The following BABAM2 variants were observed in gnomAD, a reference collection of about 807,000 sequenced individuals.
The protein encoded by BABAM2 is BRISC and BRCA1 A complex member 2.
A neutral mutation model predicts 54.7 loss-of-function variants in BABAM2; 31 were observed. That is an observed-to-expected ratio of 0.57 (90% CI 0.43 to 0.77). BABAM2 has a LOEUF of 0.77. Ranked by LOEUF, BABAM2 falls within the 30% of genes least tolerant of loss-of-function variation. The probability of loss-of-function intolerance (pLI) is 0.00; values close to 1 mark genes in which losing one functional copy is unlikely to be tolerated. For missense variants in BABAM2, 364 were observed against 455.8 expected (o/e 0.80, Z 1.83); for synonymous variants, 167 against 162.9 (o/e 1.03, Z -0.19).
intron 6 of BABAM2, among the ~76,000 whole-genome samples, chr2:28,059,911 G>C (rs868620536): frequency 6.6e-6 from 1 of 152,102 alleles, no homozygotes; most frequent in African/African-American, 2.4e-5. Flanking sequence ...TGACCTCCCT[G>C]GTAAATTCCA....
chr2:28,233,048 G>C (rs1034233261), intron 7 of BABAM2: 1 of 327,572 alleles, frequency 3.1e-6, no homozygotes, highest in Non-Finnish European at 6.3e-6. Flanking sequence ...TCAGTTCTAA[G>C]AATGATCAAC....
chr2:28,256,589 T>G (rs1333010672), intron 10 of BABAM2, among the ~76,000 whole-genome samples: 1 of 152,072 alleles, frequency 6.6e-6, no homozygotes, highest in Non-Finnish European at 1.5e-5. Context: ...ATTGGCTGAG[T>G]ACCTGGCCCA....
intron 10 of BABAM2, among the ~76,000 whole-genome samples, chr2:28,245,333 C>T (rs1401866426): frequency 1.3e-5 from 2 of 152,140 alleles, no homozygotes. Context: ...AACATACCTG[C>T]TGTGATCATT....
intron 7 of BABAM2, among the ~76,000 whole-genome samples, chr2:28,188,906 A>C (rs922901526): frequency 6.6e-6 from 1 of 152,238 alleles, no homozygotes; most frequent in Non-Finnish European, 1.5e-5. Flanking sequence ...TTCATTAAAA[A>C]AAGGATTTCT....
chr2:28,083,302 C>T (rs955827766), intron 6 of BABAM2, among the ~76,000 whole-genome samples: 2 of 152,166 alleles, frequency 1.3e-5, no homozygotes, highest in Non-Finnish European at 2.9e-5. Flanking sequence ...TCTCAAAGAC[C>T]TACTACTTCA....
At chr2:28,291,295 T>G (rs1446180572) in intron 10 of BABAM2, among the ~76,000 whole-genome samples, 1 of 152,132 alleles carries the variant, frequency 6.6e-6, no homozygotes, top group Non-Finnish European at 1.5e-5. Context: ...TTAATAATAT[T>G]GAAACTTCAA....
chr2:27,970,208 C>T (rs997986826), intron 3 of BABAM2, among the ~76,000 whole-genome samples: 2 of 152,154 alleles, frequency 1.3e-5, no homozygotes, highest in Admixed American at 6.5e-5. Flanking sequence ...TCAATGAAGT[C>T]ATCTGTTAGA....
intron 6 of BABAM2, among the ~76,000 whole-genome samples, chr2:28,062,089 C>G (rs1308459979): frequency 6.6e-6 from 1 of 152,066 alleles, no homozygotes; most frequent in Non-Finnish European, 1.5e-5. Context: ...AAAACCCTTT[C>G]TCTACTAAAA....
At chr2:28,245,638 T>C (rs1158297931) in intron 10 of BABAM2, among the ~76,000 whole-genome samples, 1 of 152,170 alleles carries the variant, frequency 6.6e-6, no homozygotes, top group Non-Finnish European at 1.5e-5. Flanking sequence ...CTGCAGTAAT[T>C]TGGTACGTAC....
chr2:28,203,173 G>A (rs1216126466), intron 7 of BABAM2, among the ~76,000 whole-genome samples: 3 of 152,102 alleles, frequency 2.0e-5, no homozygotes, highest in African/African-American at 7.2e-5. Flanking sequence ...GAATATGTTC[G>A]GCCTTGTATT....
intron 3 of BABAM2, among the ~76,000 whole-genome samples, chr2:27,971,864 A>C (rs1165047572): frequency 6.6e-6 from 1 of 152,184 alleles, no homozygotes; most frequent in Non-Finnish European, 1.5e-5. Context: ...TAAAGAGTTG[A>C]TAACAAATTG....
At chr2:28,238,394 G>A (rs1315313794) in intron 8 of BABAM2, among the ~76,000 whole-genome samples, 2 of 152,294 alleles carry the variant, frequency 1.3e-5, no homozygotes, top group South Asian at 4.1e-4. Flanking sequence ...AGTTGCCAGA[G>A]TGCAATTTCT....
At chr2:27,913,223 C>T (rs962438777) in intron 2 of BABAM2, among the ~76,000 whole-genome samples, 6 of 152,146 alleles carry the variant, frequency 3.9e-5, no homozygotes, top group Admixed American at 3.9e-4. Context: ...TTTATTCTTA[C>T]ACATTGCTGT....
chr2:28,164,620 A>G (rs539551240), intron 7 of BABAM2, among the ~76,000 whole-genome samples: 54 of 151,312 alleles, frequency 3.6e-4, no homozygotes, highest in Non-Finnish European at 2.4e-4. Context: ...TTTCCCATAC[A>G]TTAAGAGCTA....
At chr2:28,113,629 A>G (rs184590264) in intron 6 of BABAM2, among the ~76,000 whole-genome samples, 3 of 152,142 alleles carry the variant, frequency 2.0e-5, no homozygotes, top group East Asian at 1.9e-4. Context: ...TCTTGGCTCT[A>G]TGGGCTCTTT....
chr2:28,289,935 T>A (rs1687150200), intron 10 of BABAM2, among the ~76,000 whole-genome samples: 1 of 152,178 alleles, frequency 6.6e-6, no homozygotes, highest in Non-Finnish European at 1.5e-5. Context: ...CATCCTTTAC[T>A]CATTCCCTTT....
intron 11 of BABAM2, among the ~76,000 whole-genome samples, chr2:28,305,302 A>G (rs1056039669): frequency 3.9e-5 from 6 of 152,126 alleles, no homozygotes; most frequent in Non-Finnish European, 8.8e-5. Context: ...ACATTGACAT[A>G]ATCATGTGGT....
At chr2:28,097,370 C>A (rs2148702808) in intron 6 of BABAM2, among the ~76,000 whole-genome samples, 1 of 152,274 alleles carries the variant, frequency 6.6e-6, no homozygotes, top group South Asian at 2.1e-4. Context: ...TGTACTCTAA[C>A]CCTGGCCTAA....
At chr2:28,301,769 T>C (rs1454839885) in intron 11 of BABAM2, among the ~76,000 whole-genome samples, 1 of 152,226 alleles carries the variant, frequency 6.6e-6, no homozygotes, top group Non-Finnish European at 1.5e-5. Flanking sequence ...TGGAATCTCT[T>C]TGGTATTTTC....
Sources: allele counts gnomAD v4.1 joint callset (sites outside exome capture counted in the v4.1 genomes callset), GRCh38; gene constraint gnomAD v4.1.1; transcripts MANE v1.5; gene names NCBI Gene and HGNC (gene_info 2026-07-23, HGNC 2026-07-21).